Variants in SYNDIG1 observed in about 807,000 individuals in gnomAD.
SYNDIG1 encodes synapse differentiation inducing 1, also known as synapse differentiation-inducing gene protein 1.
In SYNDIG1, 9 loss-of-function variants were observed where a neutral mutation model predicts 19.4. The ratio of observed to expected loss-of-function variants is 0.46; its 90% CI spans 0.28 to 0.81. SYNDIG1 has a LOEUF of 0.81. SYNDIG1 is among the 30% of genes least tolerant of loss of function. The pLI is 0.12. For missense variants in SYNDIG1, 311 were observed against 343.3 expected, an observed-to-expected ratio of 0.91 and a Z score of 0.74; for synonymous variants, 141 against 145.9, an observed-to-expected ratio of 0.97 and a Z score of 0.24.
chr20:24,491,207 G>A (rs550668869), intron 1 of SYNDIG1, among the ~76,000 whole-genome samples: 2 of 152,198 alleles, frequency 1.3e-5, no homozygotes, highest in Admixed American at 6.5e-5. Flanking sequence ...GAGGTCAGCC[G>A]CGATCCATTT....
intron 3 of SYNDIG1, among the ~76,000 whole-genome samples, chr20:24,609,121 T>C (rs1422534922): frequency 6.6e-6 from 1 of 152,144 alleles, no homozygotes; most frequent in African/African-American, 2.4e-5. Flanking sequence ...TGTAGAAAAA[T>C]GTCATAGCAA....
intron 2 of SYNDIG1, among the ~76,000 whole-genome samples, chr20:24,578,951 C>T (rs1214486841): frequency 6.6e-6 from 1 of 152,256 alleles, no homozygotes; most frequent in South Asian, 2.1e-4. Context: ...TTCCCCTTGC[C>T]TCGAGAGTGA....
intron 1 of SYNDIG1, among the ~76,000 whole-genome samples, chr20:24,525,324 C>T (rs2057101152): frequency 8.0e-6 from 1 of 125,542 alleles, no homozygotes; most frequent in South Asian, 2.6e-4. Flanking sequence ...CAGAGTCTTA[C>T]TCTGTGGCCC....
intron 2 of SYNDIG1, among the ~76,000 whole-genome samples, chr20:24,564,651 C>T (rs2058007783): frequency 6.6e-6 from 1 of 152,170 alleles, no homozygotes; most frequent in Non-Finnish European, 1.5e-5. Flanking sequence ...GAAGAACAAG[C>T]TCATCGATCT....
chr20:24,489,441 ACACACAGACACATG>A (rs977711241), intron 1 of SYNDIG1, among the ~76,000 whole-genome samples: 5 of 151,652 alleles, frequency 3.3e-5, no homozygotes, highest in African/African-American at 7.3e-5. Context: ...AGATACATGC[ACACACAGACACATG>A]CACACAGACA....
At chr20:24,505,690 G>GT (rs2056572836) in intron 1 of SYNDIG1, among the ~76,000 whole-genome samples, 1 of 152,196 alleles carries the variant, frequency 6.6e-6, no homozygotes, top group Non-Finnish European at 1.5e-5. Flanking sequence ...ATGCCTCTCA[G>GT]TGTTCTCCTT....
intron 3 of SYNDIG1, among the ~76,000 whole-genome samples, chr20:24,627,150 G>GGAGAGCGAGAGT (rs2059160198): frequency 1.0e-4 from 14 of 136,398 alleles, no homozygotes; most frequent in Non-Finnish European, 2.2e-4. Flanking sequence ...AGAGGGAGAG[G>GGAGAGCGAGAGT]GAGAGCGAGA....
At chr20:24,482,894 A>G (rs548738422) in intron 1 of SYNDIG1, among the ~76,000 whole-genome samples, 104 of 152,356 alleles carry the variant, frequency 6.8e-4, no homozygotes, top group African/African-American at 2.4e-3. Context: ...ATAATTCTTG[A>G]AAGCTGTTCT....
intron 3 of SYNDIG1, among the ~76,000 whole-genome samples, chr20:24,595,302 C>G (rs947918362): frequency 5.3e-5 from 8 of 152,250 alleles, no homozygotes; most frequent in African/African-American, 1.9e-4. Flanking sequence ...TGTTTATGCA[C>G]TGAATTGCAT....
chr20:24,640,887 A>C (rs1055299657), intron 3 of SYNDIG1, among the ~76,000 whole-genome samples: 1 of 152,236 alleles, frequency 6.6e-6, no homozygotes, highest in Non-Finnish European at 1.5e-5. Context: ...TGGAGGGCGC[A>C]TGGGCAGGTG....
At chr20:24,632,087 G>C (rs954778259) in intron 3 of SYNDIG1, among the ~76,000 whole-genome samples, 5 of 152,170 alleles carry the variant, frequency 3.3e-5, no homozygotes, top group Non-Finnish European at 1.5e-5. Flanking sequence ...ACCAGAACTA[G>C]ACTCATTCAT....
intron 3 of SYNDIG1, among the ~76,000 whole-genome samples, chr20:24,638,554 G>A (rs149470752): frequency 1.3e-5 from 2 of 151,938 alleles, no homozygotes; most frequent in East Asian, 3.9e-4. Flanking sequence ...ATAGAGACTG[G>A]GTTTCACAAC....
rs6083553 is a variant in SYNDIG1 at position 24,543,257 on chromosome 20, G to A, written c.160G>A (p.Gly54Arg). The change falls in exon 2 of 4, where the codon GGG becomes AGG. Residue 54 changes from glycine (G) to arginine (R), a missense_variant. Transcript: ENST00000376862. ...PAPQYQSHRV[G>R]ASTVPASLDS... Reference sequence around the variant, plus strand: ...GCCCCAGTACCAGAGCCACCGGGTGGGGGCCAGCACAGTGCCGGCCAGCCT... The same window carrying A: ...GCCCCAGTACCAGAGCCACCGGGTGAGGGCCAGCACAGTGCCGGCCAGCCT... 22,093 of 1,613,694 alleles carry A rather than the reference G, an allele frequency of 0.014. 205 individuals are homozygous for A. Among genetic ancestry groups the A allele is most frequent in the Middle Eastern group, 0.039 (237 of 6,060 alleles).
rs550481340 is a variant in SYNDIG1, at chr20:24,571,072, C to T, written c.481-13784C>T. 1.9e-4 allele frequency among the ~76,000 whole-genome samples: 29 copies of T among 151,972 alleles called. 1 individual carries two copies. The highest frequency in any genetic ancestry group is 3.7e-4 in the Non-Finnish European group (25 of 68,026). On this transcript the variant is annotated intron_variant, in intron 2 of 3. Transcript: ENST00000376862. ...CCATTCCTATGCCTGCTCGAAAAGA[C>T]GAAACTGTAACAACCAACAGCAGTG...
intron 3 of SYNDIG1, among the ~76,000 whole-genome samples, chr20:24,608,633 C>T (rs1466126030): frequency 3.9e-5 from 6 of 152,138 alleles, no homozygotes; most frequent in Admixed American, 1.3e-4. Context: ...ATATTATGTA[C>T]GCTGATCTCA....
At chr20:24,614,845 AATT>A (rs1409841897) in intron 3 of SYNDIG1, among the ~76,000 whole-genome samples, 1 of 152,246 alleles carries the variant, frequency 6.6e-6, no homozygotes, top group Admixed American at 6.5e-5. Flanking sequence ...AAATTAATGT[AATT>A]GGTGAATGGA....
rs1163411978 is a variant in SYNDIG1 at position 24,568,911 on chromosome 20, G to A, written c.481-15945G>A. Reference sequence around the variant, plus strand: ...ATGTCACCACCTCCACTCATCAGCTGGGCTTCTCAGAGATGGTGCACGTCC... The same window carrying A: ...ATGTCACCACCTCCACTCATCAGCTAGGCTTCTCAGAGATGGTGCACGTCC... On this transcript the variant is annotated intron_variant, in intron 2 of 3. Transcript: ENST00000376862. Among the ~76,000 whole-genome samples the A allele has an allele frequency of 2.6e-5, 4 of 152,272 alleles. No homozygotes were observed. The South Asian group carries it at 6.2e-4, about 24-fold the overall frequency.
chr20:24,490,496 G>A (rs2056114677), intron 1 of SYNDIG1, among the ~76,000 whole-genome samples: 1 of 152,168 alleles, frequency 6.6e-6, no homozygotes, highest in South Asian at 2.1e-4. Context: ...CTGGGGCTCT[G>A]CTGCCAATGT....
intron 2 of SYNDIG1, among the ~76,000 whole-genome samples, chr20:24,555,697 C>T (rs2057799815): frequency 6.6e-6 from 1 of 152,122 alleles, no homozygotes; most frequent in African/African-American, 2.4e-5. Flanking sequence ...TGTTCTTTTA[C>T]ATTTGCTGAG....
Sources: gnomAD v4.1 joint callset for allele counts (sites outside exome capture counted in the v4.1 genomes callset) on GRCh38, gnomAD v4.1.1 for gene constraint, MANE v1.5 for transcripts, NCBI Gene and HGNC (gene_info 2026-07-23, HGNC 2026-07-21) for gene names.